Variants in FRMD5 observed in about 807,000 individuals in gnomAD.
The protein encoded by FRMD5 is FERM domain containing 5.
In FRMD5, 20 loss-of-function variants were observed where a neutral mutation model predicts 69.0. The observed-to-expected ratio is 0.29, with a 90% CI of 0.20 to 0.42. The LOEUF (loss-of-function observed/expected upper bound fraction) is 0.42. Ranked by LOEUF, FRMD5 falls within the 10% of genes least tolerant of loss-of-function variation. The pLI is 1.00. For missense variants in FRMD5, 595 were observed against 708.6 expected (o/e 0.84, Z 1.82); for synonymous variants, 271 against 260.1 (o/e 1.04, Z -0.40).
chr15:44,041,561 A>G (rs1480871330), intron 1 of FRMD5, among the ~76,000 whole-genome samples: 1 of 152,224 alleles, frequency 6.6e-6, no homozygotes, highest in Non-Finnish European at 1.5e-5. Context: ...GCAAAAGAAC[A>G]GAAATCATAA....
intron 1 of FRMD5, among the ~76,000 whole-genome samples, chr15:44,029,554 C>G (rs1187934168): frequency 6.6e-6 from 1 of 152,096 alleles, no homozygotes; most frequent in Non-Finnish European, 1.5e-5. Flanking sequence ...GGGAACAGTA[C>G]AGAGAAAATA....
chr15:44,097,571 G>C (rs2076571498), intron 1 of FRMD5, among the ~76,000 whole-genome samples: 1 of 152,184 alleles, frequency 6.6e-6, no homozygotes, highest in African/African-American at 2.4e-5. Context: ...GGAGGGCTCT[G>C]CCTTTAACAC....
chr15:43,958,429 GT>G (rs549906254), intron 1 of FRMD5, among the ~76,000 whole-genome samples: 1 of 152,014 alleles, frequency 6.6e-6, no homozygotes. Context: ...TTGTTTTTTT[GT>G]TTTTTTGTTT....
intron 1 of FRMD5, among the ~76,000 whole-genome samples, chr15:43,995,421 C>A (rs1465877569): frequency 6.6e-6 from 1 of 152,016 alleles, no homozygotes; most frequent in Non-Finnish European, 1.5e-5. Flanking sequence ...TGGGGTGTGC[C>A]TGGAGCCTGA....
intron 1 of FRMD5, among the ~76,000 whole-genome samples, chr15:44,190,273 G>A (rs897562596): frequency 1.3e-5 from 2 of 152,166 alleles, no homozygotes; most frequent in African/African-American, 4.8e-5. Context: ...TGGGAAGCAT[G>A]GTCCACTTCC....
chr15:44,012,489 G>A (rs573447434), intron 1 of FRMD5, among the ~76,000 whole-genome samples: 2 of 152,226 alleles, frequency 1.3e-5, no homozygotes, highest in East Asian at 3.9e-4. Context: ...TTAAATAAGG[G>A]TAACTGTTCT....
intron 7 of FRMD5, among the ~76,000 whole-genome samples, chr15:43,896,996 G>A (rs562950771): frequency 2.6e-5 from 4 of 152,254 alleles, no homozygotes; most frequent in African/African-American, 9.6e-5. Flanking sequence ...GAAGGAGGAG[G>A]AGGAGGAGGC....
rs2140321651 is a variant in FRMD5 at position 43,871,533 on chromosome 15, G to C, written c.*2352C>G. ...GGTGGACACCAGCCCCCTGTCTCCT[G>C]ACAGCCTTTTCATCTCTGGGTCTAC... On this transcript the variant is annotated 3_prime_UTR_variant, in exon 14 of 14. Transcript: ENST00000417257. 6.6e-6 allele frequency: 1 copy of C among 152,318 alleles called. No individual in the cohort carries two copies. Among genetic ancestry groups the C allele is most frequent in the Middle Eastern group, 3.4e-3 (1 of 296 alleles). The allele number at this position is 152,318 out of a possible 1,614,324, so 9.4% of individuals were successfully genotyped here. A position where few individuals can be genotyped will look rare whatever the true frequency, so the allele number is the denominator to read the frequency against.
rs193285178 is a variant in FRMD5 at position 43,894,692 on chromosome 15, C to T, written c.640-2623G>A. On this transcript the variant is annotated intron_variant, in intron 7 of 13. Coordinates refer to ENST00000417257, the MANE Select transcript of FRMD5 (RefSeq NM_032892.5). ...GAGGGAAGGCAGGGGAGGGAGGCAG[C>T]GGAGGGCCCCCCTCTGCTTCTTCCA... is the stretch of plus-strand genomic sequence containing the variant. Among the ~76,000 whole-genome samples the T allele has an allele frequency of 4.6e-5, 7 of 152,088 alleles. No homozygotes were observed. The East Asian group carries it at 1.2e-3, about 25-fold the overall frequency.
intron 1 of FRMD5, among the ~76,000 whole-genome samples, chr15:44,073,969 A>T (rs1893648322): frequency 6.6e-6 from 1 of 152,218 alleles, no homozygotes; most frequent in African/African-American, 2.4e-5. Flanking sequence ...TTATGTTAAC[A>T]GTAATCCAAC....
chr15:44,100,047 C>CTTTT (rs375230009), intron 1 of FRMD5, among the ~76,000 whole-genome samples: 2 of 129,266 alleles, frequency 1.5e-5, no homozygotes, highest in South Asian at 2.5e-4. Flanking sequence ...TTCTTCTTCT[C>CTTTT]TTTTTTTTTT....
intron 1 of FRMD5, among the ~76,000 whole-genome samples, chr15:44,194,006 G>A (rs2078238642): frequency 6.6e-6 from 1 of 152,216 alleles, no homozygotes; most frequent in South Asian, 2.1e-4. Context: ...TTCCGGCGAT[G>A]AGCGCAGGAT....
At chr15:44,149,755 A>G (rs911486683) in intron 1 of FRMD5, among the ~76,000 whole-genome samples, 1 of 152,202 alleles carries the variant, frequency 6.6e-6, no homozygotes, top group Admixed American at 6.5e-5. Context: ...TATAAAGCAA[A>G]GACTGAAAGA....
intron 1 of FRMD5, among the ~76,000 whole-genome samples, chr15:43,968,448 G>T (rs2090328364): frequency 6.6e-6 from 1 of 152,016 alleles, no homozygotes; most frequent in Non-Finnish European, 1.5e-5. Flanking sequence ...CTTTTTCTCA[G>T]AAGAATTTCC....
chr15:44,151,396 CAAAA>C (rs75229422), intron 1 of FRMD5, among the ~76,000 whole-genome samples: 89 of 58,544 alleles, frequency 1.5e-3, no homozygotes, highest in African/African-American at 5.3e-3. Context: ...GACTCCATCT[CAAAA>C]AAAAAAAAAA....
Position 43,873,344 on chromosome 15 carries a change from AAAAC to A in FRMD5, c.*537_*540del, listed in dbSNP as rs3830285. ...TTTTTAAAAGTTCTGGCTGGCAAAAAAAACAAACAAAAAACTAAACAGTCCCCAT... is the reference window on the plus strand; with the variant it reads ...TTTTTAAAAGTTCTGGCTGGCAAAAAAAACAAAAAACTAAACAGTCCCCAT... On this transcript the variant is annotated 3_prime_UTR_variant, in exon 14 of 14. Coordinates refer to ENST00000417257, the MANE Select transcript of FRMD5 (RefSeq NM_032892.5). 6,412 of 1,476,972 alleles carry A rather than the reference AAAAC, an allele frequency of 4.3e-3. 16 individuals carry two copies. Among genetic ancestry groups the A allele is most frequent in the Non-Finnish European group, 5.2e-3 (5,778 of 1,121,504 alleles). The allele number at this position is 1,476,972 out of a possible 1,614,324, so 91.5% of individuals were successfully genotyped here.
chr15:44,038,144 G>GT (rs911857500), intron 1 of FRMD5, among the ~76,000 whole-genome samples: 27 of 151,770 alleles, frequency 1.8e-4, no homozygotes, highest in African/African-American at 4.6e-4. Flanking sequence ...TTTTGATGGG[G>GT]TTTTTTTTAT....
At chr15:44,194,016 T>C (rs986662758) in intron 1 of FRMD5, among the ~76,000 whole-genome samples, 3 of 152,172 alleles carry the variant, frequency 2.0e-5, no homozygotes, top group Admixed American at 1.3e-4. Flanking sequence ...GAGCGCAGGA[T>C]CCTCCTGGCT....
chr15:44,158,939 G>A (rs1000323968), intron 1 of FRMD5, among the ~76,000 whole-genome samples: 1 of 152,202 alleles, frequency 6.6e-6, no homozygotes, highest in African/African-American at 2.4e-5. Flanking sequence ...CAAGTATCAT[G>A]GCAGGAGTAT....
Sources: gnomAD v4.1 joint callset for allele counts (sites outside exome capture counted in the v4.1 genomes callset) on GRCh38, gnomAD v4.1.1 for gene constraint, MANE v1.5 for transcripts, NCBI Gene and HGNC (gene_info 2026-07-23, HGNC 2026-07-21) for gene names.